CNTN6: variants seen among roughly 807,000 people sequenced by gnomAD.
CNTN6 encodes contactin 6.
CNTN6 carries 137 observed loss-of-function variants against 122.8 expected under a neutral mutation model. The observed-to-expected ratio is 1.12, with a 90% CI of 0.97 to 1.29. The LOEUF is 1.29. Among genes scored for constraint, CNTN6 ranks in the 50% most tolerant of loss-of-function variants. The pLI is 0.00. For synonymous variants in CNTN6, 570 were observed against 426.0 expected (o/e 1.34, Z -4.16); for missense variants, 1,634 against 1,223.4 (o/e 1.34, Z -5.01).
intron 2 of CNTN6, among the ~76,000 whole-genome samples, chr3:1,196,557 T>C (rs558580182): frequency 1.3e-5 from 2 of 152,268 alleles, no homozygotes; most frequent in African/African-American, 4.8e-5. Flanking sequence ...GTTGAATGAA[T>C]GAAGTGTTAT....
At chr3:1,393,412 TG>T (rs750078613) in intron 20 of CNTN6, among the ~76,000 whole-genome samples, 1 of 69,790 alleles carries the variant, frequency 1.4e-5, no homozygotes, top group African/African-American at 6.0e-5. Context: ...TGTGGTGAGG[TG>T]GGGGGAGGGG....
chr3:1,238,260 A>G (rs867846329), intron 4 of CNTN6, among the ~76,000 whole-genome samples: 14 of 152,196 alleles, frequency 9.2e-5, no homozygotes, highest in Admixed American at 7.9e-4. Context: ...TTCCGTGCAA[A>G]TGGACACCAA....
chr3:1,195,984 T>C (rs986301391), intron 2 of CNTN6, among the ~76,000 whole-genome samples: 3 of 152,196 alleles, frequency 2.0e-5, no homozygotes, highest in African/African-American at 7.2e-5. Context: ...TTGTCCAGTA[T>C]GAAAAAGTGC....
At chr3:1,356,420 C>A (rs1030712611) in intron 12 of CNTN6, among the ~76,000 whole-genome samples, 1 of 151,716 alleles carries the variant, frequency 6.6e-6, no homozygotes, top group African/African-American at 2.4e-5. Flanking sequence ...CTTTATTATA[C>A]CAGCATTACA....
chr3:1,284,709 A>G (rs1380055226), intron 5 of CNTN6, among the ~76,000 whole-genome samples: 1 of 152,236 alleles, frequency 6.6e-6, no homozygotes, highest in Non-Finnish European at 1.5e-5. Flanking sequence ...GATAGGAAAT[A>G]GTAGATGTTG....
chr3:1,102,505 C>G (rs1022462418), intron 1 of CNTN6, among the ~76,000 whole-genome samples: 2 of 151,640 alleles, frequency 1.3e-5, no homozygotes, highest in African/African-American at 2.4e-5. Context: ...CCGAGGTGGG[C>G]GGATCACCAG....
At chr3:1,355,516 C>T (rs1005236641) in intron 12 of CNTN6, among the ~76,000 whole-genome samples, 35 of 151,676 alleles carry the variant, frequency 2.3e-4, no homozygotes, top group African/African-American at 8.5e-4. Context: ...TAATAGTGTA[C>T]ATCAATTCAA....
At chr3:1,243,117 C>G (rs2094510115) in intron 4 of CNTN6, among the ~76,000 whole-genome samples, 1 of 152,166 alleles carries the variant, frequency 6.6e-6, no homozygotes, top group African/African-American at 2.4e-5. Context: ...GTCAGAGAGC[C>G]TTGGGCCAGA....
At chr3:1,311,630 C>T (rs1345196745) in intron 7 of CNTN6, among the ~76,000 whole-genome samples, 1 of 149,922 alleles carries the variant, frequency 6.7e-6, no homozygotes, top group Non-Finnish European at 1.5e-5. Context: ...TAAGAAAATT[C>T]TGAAAATATA....
intron 7 of CNTN6, among the ~76,000 whole-genome samples, chr3:1,308,271 C>T (rs1698670636): frequency 7.1e-6 from 1 of 140,436 alleles, no homozygotes; most frequent in Non-Finnish European, 1.5e-5. Context: ...ATGCACTCAT[C>T]AATGTATGGG....
At chr3:1,400,788 G>A (rs1695584837) in intron 20 of CNTN6, among the ~76,000 whole-genome samples, 1 of 152,058 alleles carries the variant, frequency 6.6e-6, no homozygotes, top group Admixed American at 6.6e-5. Flanking sequence ...TGTGCAGTGA[G>A]AATGACAAAG....
chr3:1,130,807 T>A (rs1452547468), intron 1 of CNTN6, among the ~76,000 whole-genome samples: 1 of 152,138 alleles, frequency 6.6e-6, no homozygotes, highest in Non-Finnish European at 1.5e-5. Context: ...TCTGCCTGTC[T>A]GTGTCAAAAT....
chr3:1,142,754 C>T (rs66911322), intron 1 of CNTN6, among the ~76,000 whole-genome samples: 19,701 of 151,368 alleles, frequency 0.13, 1,364 homozygotes, highest in Middle Eastern at 0.16. Flanking sequence ...TTTTATTTAC[C>T]AAAAAAAGGC....
At chr3:1,257,074 T>C (rs1202538315) in intron 4 of CNTN6, among the ~76,000 whole-genome samples, 1 of 152,160 alleles carries the variant, frequency 6.6e-6, no homozygotes, top group Non-Finnish European at 1.5e-5. Context: ...CTTAGCAATC[T>C]GATGGGTGAC....
chr3:1,164,628 T>G (rs1203782372), intron 2 of CNTN6, among the ~76,000 whole-genome samples: 3 of 152,172 alleles, frequency 2.0e-5, no homozygotes, highest in Non-Finnish European at 4.4e-5. Context: ...AGAATGTGAT[T>G]AGGATACTGA....
chr3:1,158,776 ATGTGTGTATATATGTG>A lies in CNTN6; in HGVS notation c.55+10715_55+10730del, dbSNP rs1559421230. Among the ~76,000 whole-genome samples the A allele has an allele frequency of 2.5e-3, 278 of 113,296 alleles. 5 individuals carry two copies. Among genetic ancestry groups the A allele is most frequent in the East Asian group, 9.3e-3 (33 of 3,552 alleles). The allele number at this position is 113,296 out of a possible 152,430, so 74.3% of individuals were successfully genotyped here. A position where few individuals can be genotyped will look rare whatever the true frequency, so the allele number is the denominator to read the frequency against. ...TATACATATATATACACACATATAT[ATGTGTGTATATATGTG>A]TATATATATACACACATATATATAC... On this transcript the variant is annotated intron_variant, in intron 2 of 22. Coordinates refer to ENST00000446702, the MANE Select transcript of CNTN6 (RefSeq NM_001289080.2).
intron 11 of CNTN6, among the ~76,000 whole-genome samples, chr3:1,345,923 A>G (rs1449834739): frequency 5.3e-5 from 8 of 152,168 alleles, no homozygotes; most frequent in Admixed American, 1.3e-4. Context: ...ATCTAACTAT[A>G]AAAATAGCAG....
intron 2 of CNTN6, among the ~76,000 whole-genome samples, chr3:1,190,403 T>C (rs575448995): frequency 1.6e-3 from 245 of 152,320 alleles, no homozygotes; most frequent in African/African-American, 5.3e-3. Context: ...ACAATGTCTC[T>C]TCTCCTATTA....
intron 7 of CNTN6, among the ~76,000 whole-genome samples, chr3:1,319,308 A>T (rs1700526311): frequency 6.6e-6 from 1 of 151,684 alleles, no homozygotes; most frequent in Admixed American, 6.6e-5. Context: ...CTTCTACTTC[A>T]AGAAAACCTG....
Sources: gnomAD v4.1 joint callset for allele counts (sites outside exome capture counted in the v4.1 genomes callset) on GRCh38, gnomAD v4.1.1 for gene constraint, MANE v1.5 for transcripts, NCBI Gene and HGNC (gene_info 2026-07-23, HGNC 2026-07-21) for gene names.